The following AKNA variants were observed in gnomAD, a reference collection of about 807,000 sequenced individuals.
The protein encoded by AKNA is microtubule organization protein AKNA.
Under a neutral mutation model 138.8 loss-of-function variants are expected in AKNA, and 67 were observed. The ratio of observed to expected loss-of-function variants is 0.48; its 90% confidence interval spans 0.40 to 0.59. AKNA has a LOEUF of 0.59. Ranked by LOEUF, AKNA falls within the 20% of genes least tolerant of loss-of-function variation. AKNA has a pLI of 0.00. For synonymous variants in AKNA, 737 were observed against 754.4 expected, an observed-to-expected ratio of 0.98 and a Z score of 0.38; for missense variants, 1,813 against 1,880.4, an observed-to-expected ratio of 0.96 and a Z score of 0.66.
chr9:114,389,231 C>T (rs566171604), upstream of AKNA, among the ~76,000 whole-genome samples: 99 of 152,000 alleles, frequency 6.5e-4, 1 homozygote, highest in South Asian at 0.02. Context: ...GCGAGTCAAG[C>T]GGGAGAAGCA....
intron 6 of AKNA, among the ~76,000 whole-genome samples, chr9:114,366,775 A>G (rs1010030289): frequency 4.6e-5 from 7 of 151,912 alleles, no homozygotes; most frequent in African/African-American, 1.7e-4. Context: ...GAAGAATAAA[A>G]TGGTGGTGCT....
intron 2 of AKNA, among the ~76,000 whole-genome samples, chr9:114,380,046 G>A (rs1833526761): frequency 6.6e-6 from 1 of 151,954 alleles, no homozygotes; most frequent in South Asian, 2.1e-4. Flanking sequence ...AGCTCCTCGG[G>A]AGGCTGAGTT....
In AKNA at chr9:114,336,968, T is replaced by C; in HGVS notation, c.*86A>G. 1.4e-6 allele frequency: 2 copies of C among 1,422,306 alleles called. No homozygotes were observed. The highest frequency in any genetic ancestry group is 1.4e-5 in the African/African-American group (1 of 69,722). The allele number at this position is 1,422,306 out of a possible 1,614,324, so 88.1% of individuals were successfully genotyped here. On this transcript the variant is annotated 3_prime_UTR_variant, in exon 22 of 22. Transcript: ENST00000374088. The stretch of plus-strand genomic sequence containing the variant: ...CTGGTGAGGAACTATGCGGGCCTTC[T>C]GGGCCTCAGCAGCTCCAGCCCACTC...
chr9:114,377,380 T>G lies in AKNA; in HGVS notation c.427A>C (p.Arg143=). The change falls in exon 3 of 22, where the codon AGG becomes CGG. Residue 143 remains arginine, a synonymous_variant. Coordinates refer to ENST00000374088, the MANE Select transcript of AKNA (RefSeq NM_001317950.2). ...EVEEAGESSS[R]LGYEAGLSLE... ...CTGAGACCAGCCTCATACCCCAACC[T>G]TGAGGAGCTCTCTCCAGCCTCCTCA... 1 of 1,613,906 alleles carries G rather than the reference T, an allele frequency of 6.2e-7. No individual in the cohort carries two copies. The highest frequency in any genetic ancestry group is 8.5e-7 in the Non-Finnish European group (1 of 1,179,934).
In AKNA at chr9:114,336,622, G is replaced by A. The variant is rs1830008638; in HGVS notation, c.*432C>T. On this transcript the variant is annotated 3_prime_UTR_variant, in exon 22 of 22. Coordinates refer to ENST00000374088, the MANE Select transcript of AKNA (RefSeq NM_001317950.2). The stretch of plus-strand genomic sequence containing the variant: ...CCAGAGTGACTGGTCACAGGTGGGG[G>A]ACAGGTTTGCTCCAGAAACCGTAGG... The A allele has an allele frequency of 1.2e-5, 2 of 164,522 alleles. No individual in the cohort carries two copies. Among genetic ancestry groups the A allele is most frequent in the African/African-American group, 4.8e-5 (2 of 42,018 alleles). The allele number at this position is 164,522 out of a possible 1,614,324, so 10.2% of individuals were successfully genotyped here. A position where few individuals can be genotyped will look rare whatever the true frequency, so the allele number is the denominator to read the frequency against.
intron 2 of AKNA, among the ~76,000 whole-genome samples, chr9:114,380,485 A>G (rs1023151187): frequency 2.6e-5 from 4 of 152,216 alleles, no homozygotes; most frequent in Non-Finnish European, 5.9e-5. Flanking sequence ...GCATATCTAC[A>G]CATATGGAAA....
intron 3 of AKNA, among the ~76,000 whole-genome samples, chr9:114,374,618 C>T (rs1036783433): frequency 1.3e-5 from 2 of 152,204 alleles, no homozygotes; most frequent in Non-Finnish European, 2.9e-5. Flanking sequence ...ATGAATCACC[C>T]AAGAGTCCCA....
chr9:114,346,124 A>C, intron 17 of AKNA, 115 bp from the exon 18 acceptor site: 1 of 1,060,312 alleles, frequency 9.4e-7, no homozygotes, highest in East Asian at 2.5e-5. Context: ...TTTAATCCCC[A>C]GTCTCCCCCT....
intron 21 of AKNA, among the ~76,000 whole-genome samples, chr9:114,338,529 T>C (rs1228762192): frequency 6.6e-6 from 1 of 152,252 alleles, no homozygotes; most frequent in Non-Finnish European, 1.5e-5. Flanking sequence ...GGTACCCATG[T>C]ACCAGTTGGT....
chr9:114,351,091 G>T, intron 14 of AKNA, 70 bp from the exon 15 acceptor site: 1 of 1,482,522 alleles, frequency 6.7e-7, no homozygotes, highest in Non-Finnish European at 9.2e-7. Flanking sequence ...ACTTGTGCAG[G>T]TGGAATGATG....
upstream of AKNA, among the ~76,000 whole-genome samples, chr9:114,391,608 G>A (rs866418881): frequency 6.6e-6 from 1 of 152,140 alleles, no homozygotes; most frequent in Non-Finnish European, 1.5e-5. Context: ...CAGCACTTTG[G>A]GAGGCTGAGG....
Position 114,337,012 on chromosome 9 carries a change from T to TGGGGGGCG in AKNA, c.*41_*42insCGCCCCCC. ...CCCACTCCTGGCCTGGCAGGCCACC[T>TGGGGGGCG]GCCCACCCACCCACCCATCTGCCTC... On this transcript the variant is annotated 3_prime_UTR_variant, in exon 22 of 22. Transcript: ENST00000374088. The TGGGGGGCG allele has an allele frequency of 8.3e-7, 1 of 1,208,224 alleles. No individual in the cohort carries two copies. Among genetic ancestry groups the TGGGGGGCG allele is most frequent in the Non-Finnish European group, 1.1e-6 (1 of 929,350 alleles). 74.8% of individuals were successfully genotyped at this position (1,208,224 alleles called of 1,614,324 possible).
upstream of AKNA, among the ~76,000 whole-genome samples, chr9:114,392,632 C>T (rs919372626): frequency 2.6e-5 from 4 of 152,256 alleles, no homozygotes; most frequent in African/African-American, 9.6e-5. Context: ...AATAAATGGC[C>T]TTGCCTTTTC....
At position 114,374,456 on chromosome 9, in the gene AKNA, C is replaced by T. The variant is rs138410332; in HGVS notation, c.1342-289G>A. Among the ~76,000 whole-genome samples the T allele has an allele frequency of 1.0e-3, 159 of 152,350 alleles. 2 individuals are homozygous for T. In the East Asian group the frequency reaches 0.029, roughly 28 times the overall value. On this transcript the variant is annotated intron_variant, in intron 3 of 21. Coordinates refer to ENST00000374088, the MANE Select transcript of AKNA (RefSeq NM_001317950.2). ...GTTTACCTTGATACATAACCCATGT[C>T]GCAGATGGCTGCCACTGTTTTATTT... is the stretch of plus-strand genomic sequence containing the variant.
At chr9:114,379,508 C>G (rs1589025366) in intron 2 of AKNA, among the ~76,000 whole-genome samples, 1 of 152,284 alleles carries the variant, frequency 6.6e-6, no homozygotes, top group Non-Finnish European at 1.5e-5. Context: ...CCTCAGTGGG[C>G]AGTGCCCACT....
At chr9:114,341,285 T>C (rs1830324596) in intron 21 of AKNA, among the ~76,000 whole-genome samples, 1 of 152,234 alleles carries the variant, frequency 6.6e-6, no homozygotes, top group Admixed American at 6.5e-5. Context: ...GCCCTCTTGC[T>C]AGTCCCCTTC....
chr9:114,336,538 C>T lies in AKNA; in HGVS notation c.*516G>A, dbSNP rs758623956. Reference sequence around the variant, plus strand: ...GGCCCTGACATCCTAAAATGCCCCACTGACTACCAGTCACTAGGAGAAAGG... The same window carrying T: ...GGCCCTGACATCCTAAAATGCCCCATTGACTACCAGTCACTAGGAGAAAGG... On this transcript the variant is annotated 3_prime_UTR_variant, in exon 22 of 22. Transcript: ENST00000374088. The T allele has an allele frequency of 6.5e-6, 1 of 153,252 alleles. No homozygotes were observed. The highest frequency in any genetic ancestry group is 2.4e-5 in the African/African-American group (1 of 41,522). 9.5% of individuals were successfully genotyped at this position (153,252 alleles called of 1,614,324 possible).
intron 9 of AKNA, among the ~76,000 whole-genome samples, chr9:114,360,525 T>A (rs1381547802): frequency 6.6e-6 from 1 of 152,124 alleles, no homozygotes; most frequent in Admixed American, 6.5e-5. Flanking sequence ...CCTTAAGATA[T>A]TGTACTCAGG....
At chr9:114,389,891 C>T (rs1349147704), upstream of AKNA, among the ~76,000 whole-genome samples, 1 of 152,146 alleles carries the variant, frequency 6.6e-6, no homozygotes, top group Non-Finnish European at 1.5e-5. Flanking sequence ...CCTCTATCCC[C>T]TTTCCTGCCT....
Sources: allele counts gnomAD v4.1 joint callset (sites outside exome capture counted in the v4.1 genomes callset), GRCh38; gene constraint gnomAD v4.1.1; transcripts MANE v1.5; gene names NCBI Gene and HGNC (gene_info 2026-07-23, HGNC 2026-07-21).